ABCD2: variants seen among roughly 807,000 people sequenced by gnomAD.
ABCD2 encodes the protein ATP-binding cassette sub-family D member 2.
Under a neutral mutation model 70.9 loss-of-function variants are expected in ABCD2, and 36 were observed. The observed-to-expected ratio is 0.51, with a 90% CI of 0.39 to 0.67. ABCD2 has a LOEUF of 0.67. Ranked by LOEUF, ABCD2 falls within the 30% of genes least tolerant of loss-of-function variation. ABCD2 has a pLI of 0.00. For missense variants in ABCD2, 729 were observed against 890.2 expected (o/e 0.82, Z 2.30); for synonymous variants, 304 against 306.9 (o/e 0.99, Z 0.10).
At chr12:39,543,135 T>C in the ABCD2 span, among the ~76,000 whole-genome samples, 1 of 152,176 alleles carries the variant, frequency 6.6e-6, no homozygotes, top group African/African-American at 2.4e-5. Context: ...TTTTGACTTA[T>C]CATATTAAGT....
chr12:39,585,468 A>G (rs766215161), intron 7 of ABCD2, among the ~76,000 whole-genome samples: 8 of 152,112 alleles, frequency 5.3e-5, no homozygotes, highest in African/African-American at 9.7e-5. Context: ...AAGCAGGGAT[A>G]GTTTGACTTC....
intron 7 of ABCD2, among the ~76,000 whole-genome samples, chr12:39,580,394 A>G (rs1459529557): frequency 6.6e-6 from 1 of 152,104 alleles, no homozygotes; most frequent in African/African-American, 2.4e-5. Flanking sequence ...CAAGCATTCT[A>G]TTTTTCTTAC....
chr12:39,539,872 G>A, the ABCD2 span: 1 of 152,960 alleles, frequency 6.5e-6, no homozygotes, highest in Admixed American at 6.5e-5. Context: ...GACAGCTATA[G>A]TCAAGAGCCA....
At chr12:39,604,030 A>T in intron 4 of ABCD2, 24 bp from the exon 5 acceptor site, 2 of 1,486,170 alleles carry the variant, frequency 1.3e-6, no homozygotes, top group Non-Finnish European at 1.9e-6. Flanking sequence ...AAAGTGTAAG[A>T]TACAAACATT....
At chr12:39,589,879 A>G (rs1351533130) in intron 6 of ABCD2, among the ~76,000 whole-genome samples, 2 of 152,172 alleles carry the variant, frequency 1.3e-5, no homozygotes, top group Non-Finnish European at 2.9e-5. Flanking sequence ...ATCATGTGAA[A>G]TGGTAAAAAT....
intron 9 of ABCD2, among the ~76,000 whole-genome samples, chr12:39,559,267 G>A (rs892967110): frequency 2.6e-5 from 4 of 151,282 alleles, no homozygotes; most frequent in African/African-American, 9.7e-5. Flanking sequence ...AGCTATTTGG[G>A]ATGCTGAGGC....
At chr12:39,578,099 A>T (rs1386263909) in intron 8 of ABCD2, among the ~76,000 whole-genome samples, 1 of 152,242 alleles carries the variant, frequency 6.6e-6, no homozygotes, top group East Asian at 1.9e-4. Flanking sequence ...CAACTCACAC[A>T]AGAGTGCTGC....
chr12:39,559,816 A>G (rs1452376906), intron 9 of ABCD2, among the ~76,000 whole-genome samples: 4 of 152,300 alleles, frequency 2.6e-5, no homozygotes, highest in Admixed American at 1.3e-4. Flanking sequence ...ACTTTCCCAC[A>G]CAAACTAAGC....
intron 6 of ABCD2, among the ~76,000 whole-genome samples, chr12:39,593,459 C>T (rs1941773527): frequency 6.6e-6 from 1 of 152,066 alleles, no homozygotes; most frequent in Non-Finnish European, 1.5e-5. Flanking sequence ...CCTATGTTGC[C>T]AGGGCTAACC....
rs1591990184 is a variant in ABCD2, at chr12:39,596,693, A to G, written c.1646+3878T>C. 2.0e-5 allele frequency among the ~76,000 whole-genome samples: 3 copies of G among 152,200 alleles called. No homozygotes were observed. The East Asian group carries it at 5.8e-4, about 29-fold the overall frequency. The stretch of plus-strand genomic sequence containing the variant: ...GCCTTAGTATTTGGGCCTGCATAGT[A>G]AGTTTGAATAGTAAGAAAATTACGA... On this transcript the variant is annotated intron_variant, in intron 6 of 9. Coordinates refer to ENST00000308666, the MANE Select transcript of ABCD2 (RefSeq NM_005164.4).
intron 6 of ABCD2, among the ~76,000 whole-genome samples, chr12:39,591,851 C>A (rs1444350093): frequency 6.6e-6 from 1 of 151,928 alleles, no homozygotes; most frequent in Non-Finnish European, 1.5e-5. Context: ...TGATATTTGA[C>A]CTATAAAAAT....
intron 9 of ABCD2, among the ~76,000 whole-genome samples, chr12:39,556,522 G>A (rs1055873297): frequency 1.3e-5 from 2 of 152,050 alleles, no homozygotes; most frequent in Non-Finnish European, 2.9e-5. Flanking sequence ...CTTTCTTCCC[G>A]TTTGCCTTCC....
Position 39,619,327 on chromosome 12 carries a change from G to C in ABCD2, c.289C>G (p.Pro97Ala). ...QLLELRKILF[P>A]KLVTTETGWL... ...CCTGTTTCAGTGGTCACAAGTTTTG[G>C]AAACAAAATTTTCCGAAGTTCTAGT... Residue 97 changes from proline (P) to alanine (A), a missense_variant, in exon 1 of 10, where the codon CCA (proline) becomes GCA (alanine). By Grantham distance (27) the Pro-to-Ala change is conservative. Around this residue, in one of 3 missense-constraint regions of ABCD2, gnomAD observed 245 missense variants for 261.2 expected, o/e 0.94. Transcript: ENST00000308666. The C allele has an allele frequency of 6.2e-7, 1 of 1,614,056 alleles. No homozygotes were observed. Among genetic ancestry groups the C allele is most frequent in the Non-Finnish European group, 8.5e-7 (1 of 1,180,030 alleles).
At chr12:39,578,517 C>A (rs114207116) in intron 8 of ABCD2, among the ~76,000 whole-genome samples, 1 of 149,804 alleles carries the variant, frequency 6.7e-6, no homozygotes, top group Non-Finnish European at 1.5e-5. Flanking sequence ...TTTCTGACAA[C>A]CTTCTGTGCT....
At chr12:39,548,649 T>C (rs1238003663), downstream of ABCD2, among the ~76,000 whole-genome samples, 1 of 151,770 alleles carries the variant, frequency 6.6e-6, no homozygotes, top group African/African-American at 2.4e-5. Context: ...CATTTGTAGG[T>C]CCAATGCATT....
chr12:39,579,663 T>C (rs1476923145), intron 7 of ABCD2, 44 bp from the exon 8 acceptor site: 3 of 1,434,650 alleles, frequency 2.1e-6, no homozygotes, highest in South Asian at 2.4e-5. Flanking sequence ...ATCATTTGTT[T>C]AATTGTTACT....
intron 7 of ABCD2, among the ~76,000 whole-genome samples, chr12:39,584,168 C>G (rs1941634551): frequency 6.6e-6 from 1 of 152,174 alleles, no homozygotes; most frequent in Admixed American, 6.5e-5. Flanking sequence ...CCACAACCTT[C>G]TCAACATCTT....
intron 5 of ABCD2, among the ~76,000 whole-genome samples, 186 bp from the exon 6 acceptor site, chr12:39,600,902 C>A (rs1160843388): frequency 6.6e-6 from 1 of 152,040 alleles, no homozygotes; most frequent in African/African-American, 2.4e-5. Flanking sequence ...AAGCTAAAAG[C>A]ATCATAAAAT....
intron 3 of ABCD2, among the ~76,000 whole-genome samples, chr12:39,606,601 CAAAATTACTATTTGAACTTTTTAAA>C (rs1319129038): frequency 6.6e-6 from 1 of 152,156 alleles, no homozygotes; most frequent in African/African-American, 2.4e-5. Context: ...TCCAGATTAT[CAAAATTACTATTTGAACTTTTTAAA>C]AAAATTGAGT....
Sources: allele counts gnomAD v4.1 joint callset (sites outside exome capture counted in the v4.1 genomes callset), GRCh38; gene constraint gnomAD v4.1.1; regional missense constraint gnomAD v4.1.1; transcripts MANE v1.5; gene names NCBI Gene and HGNC (gene_info 2026-07-23, HGNC 2026-07-21).